Variants in SLC25A48 observed in about 807,000 individuals in gnomAD.
The protein encoded by SLC25A48 is CTC-321K16.1.
In SLC25A48, 29 loss-of-function variants were observed where a neutral mutation model predicts 32.2. The observed-to-expected ratio is 0.90, with a 90% CI of 0.67 to 1.23. The LOEUF is 1.23. SLC25A48 is among the 50% of genes most tolerant of loss of function. The probability of loss-of-function intolerance (pLI) is 0.00; values close to 1 mark genes in which losing one functional copy is unlikely to be tolerated. For synonymous variants in SLC25A48, 164 were observed against 172.3 expected (o/e 0.95, Z 0.38); for missense variants, 399 against 422.7 (o/e 0.94, Z 0.49).
At chr5:135,842,603 G>A in intron 2 of SLC25A48, 144 bp downstream of exon 2, 4 of 798,810 alleles carry the variant, frequency 5.0e-6, no homozygotes, top group Non-Finnish European at 8.1e-6. Flanking sequence ...GGTGTTGGGT[G>A]CCAGGAGGTC....
At chr5:135,700,556 G>T (rs1469869589) in intron 3 of SLC25A48, among the ~76,000 whole-genome samples, 4 of 152,150 alleles carry the variant, frequency 2.6e-5, no homozygotes, top group Non-Finnish European at 4.4e-5. Context: ...AGGCCCCCAC[G>T]GGCAGATGTC....
At chr5:135,638,255 G>A (rs1480746656) in intron 3 of SLC25A48, among the ~76,000 whole-genome samples, 1 of 152,188 alleles carries the variant, frequency 6.6e-6, no homozygotes, top group African/African-American at 2.4e-5. Context: ...ACTGATATTA[G>A]TGAAACAAAT....
chr5:135,796,259 C>T (rs945830868), intron 3 of SLC25A48, among the ~76,000 whole-genome samples: 22 of 150,638 alleles, frequency 1.5e-4, no homozygotes, highest in Non-Finnish European at 2.7e-4. Flanking sequence ...TACATCACGC[C>T]GCGATGTGGT....
chr5:135,661,222 C>T (rs1753387276), intron 3 of SLC25A48, among the ~76,000 whole-genome samples: 1 of 152,234 alleles, frequency 6.6e-6, no homozygotes, highest in African/African-American at 2.4e-5. Context: ...GCAGCTGCCT[C>T]TCTTCCTTCA....
intron 3 of SLC25A48, among the ~76,000 whole-genome samples, chr5:135,678,458 A>G (rs1186063926): frequency 1.3e-5 from 2 of 151,994 alleles, no homozygotes; most frequent in African/African-American, 4.8e-5. Flanking sequence ...GTATTTTTTA[A>G]AATTCTCTTG....
chr5:135,730,751 G>C (rs1031208174), intron 3 of SLC25A48, among the ~76,000 whole-genome samples: 15 of 152,228 alleles, frequency 9.9e-5, no homozygotes, highest in African/African-American at 3.4e-4. Context: ...CCAAAATGCT[G>C]ATAATGATAT....
intron 3 of SLC25A48, among the ~76,000 whole-genome samples, chr5:135,851,637 C>T (rs1759876297): frequency 6.6e-6 from 1 of 152,118 alleles, no homozygotes; most frequent in African/African-American, 2.4e-5. Flanking sequence ...TGTGAGGCAT[C>T]CTGCCTCTGG....
intron 3 of SLC25A48, among the ~76,000 whole-genome samples, chr5:135,807,594 A>G (rs1329855545): frequency 6.6e-6 from 1 of 150,418 alleles, no homozygotes; most frequent in African/African-American, 2.4e-5. Flanking sequence ...AAAACTGAAT[A>G]TTTTATTAGT....
intron 3 of SLC25A48, among the ~76,000 whole-genome samples, chr5:135,789,411 G>A (rs1181698906): frequency 2.0e-5 from 3 of 151,502 alleles, no homozygotes; most frequent in Non-Finnish European, 4.4e-5. Flanking sequence ...TCCCCAGGTG[G>A]CCGGGGTGTA....
intron 3 of SLC25A48, chr5:135,671,571 C>T (rs150425724): frequency 3.9e-5 from 6 of 152,252 alleles, no homozygotes; most frequent in Admixed American, 6.5e-5. Context: ...GTCAACCAGC[C>T]GAGGGTCGCT....
chr5:135,636,679 G>C (rs915264084), intron 3 of SLC25A48, among the ~76,000 whole-genome samples: 1 of 152,186 alleles, frequency 6.6e-6, no homozygotes, highest in African/African-American at 2.4e-5. Context: ...TCAGCATGTG[G>C]AGTGGAATAA....
chr5:135,830,389 T>C (rs1469424817), upstream of SLC25A48, among the ~76,000 whole-genome samples: 1 of 152,060 alleles, frequency 6.6e-6, no homozygotes, highest in Admixed American at 6.6e-5. Flanking sequence ...TTCCAAAAAA[T>C]AGAGGAAGAA....
chr5:135,635,902 C>A (rs1352253930), intron 3 of SLC25A48, among the ~76,000 whole-genome samples: 1 of 152,154 alleles, frequency 6.6e-6, no homozygotes, highest in Non-Finnish European at 1.5e-5. Context: ...AGATTTGATA[C>A]CTTTTTGAGG....
intron 3 of SLC25A48, among the ~76,000 whole-genome samples, chr5:135,670,888 C>T (rs1036972960): frequency 6.6e-6 from 1 of 152,196 alleles, no homozygotes; most frequent in African/African-American, 2.4e-5. Flanking sequence ...AATAGCCTCC[C>T]TCCCCAGATG....
intron 3 of SLC25A48, among the ~76,000 whole-genome samples, chr5:135,696,499 GTGAATGAA>G (rs146611202): frequency 1.3e-5 from 2 of 152,096 alleles, no homozygotes; most frequent in South Asian, 2.1e-4. Flanking sequence ...TGCTGGGTGA[GTGAATGAA>G]TGAATGAATG....
intron 1 of SLC25A48, among the ~76,000 whole-genome samples, chr5:135,604,909 T>C (rs1751896227): frequency 6.6e-6 from 1 of 152,114 alleles, no homozygotes; most frequent in Non-Finnish European, 1.5e-5. Context: ...CACCTGTAAG[T>C]GGGTAATAAT....
At chr5:135,862,646 C>T (rs1291958726) in intron 4 of SLC25A48, among the ~76,000 whole-genome samples, 2 of 152,090 alleles carry the variant, frequency 1.3e-5, no homozygotes, top group African/African-American at 4.8e-5. Context: ...CAGGAAGCCT[C>T]CAGAAAGGAA....
chr5:135,786,694 G>A (rs941943619), intron 3 of SLC25A48, among the ~76,000 whole-genome samples: 18 of 151,774 alleles, frequency 1.2e-4, no homozygotes, highest in African/African-American at 2.7e-4. Flanking sequence ...CACCATGTGC[G>A]TACACCCTCT....
upstream of SLC25A48, among the ~76,000 whole-genome samples, chr5:135,831,725 C>G (rs1308390693): frequency 6.6e-6 from 1 of 152,238 alleles, no homozygotes; most frequent in Non-Finnish European, 1.5e-5. Context: ...AGACCCAGTC[C>G]TACTGAGCTA....
Sources: allele counts gnomAD v4.1 joint callset (sites outside exome capture counted in the v4.1 genomes callset), GRCh38; gene constraint gnomAD v4.1.1; transcripts MANE v1.5; gene names NCBI Gene and HGNC (gene_info 2026-07-23, HGNC 2026-07-21).